CTNNA2: variants seen among roughly 807,000 people sequenced by gnomAD.
CTNNA2 encodes catenin alpha-2.
Under a neutral mutation model 101.0 loss-of-function variants are expected in CTNNA2, and 42 were observed. The observed-to-expected ratio is 0.42, with a 90% CI of 0.32 to 0.54. The LOEUF is 0.54. Ranked by LOEUF, CTNNA2 falls within the 20% of genes least tolerant of loss-of-function variation. The probability of loss-of-function intolerance (pLI) is 0.14; values close to 1 mark genes in which losing one functional copy is unlikely to be tolerated. For synonymous variants in CTNNA2, 450 were observed against 456.4 expected, an observed-to-expected ratio of 0.99 and a Z score of 0.18; for missense variants, 871 against 1,223.1, an observed-to-expected ratio of 0.71 and a Z score of 4.29.
intron 7 of CTNNA2, among the ~76,000 whole-genome samples, chr2:80,135,888 C>T (rs1243331633): frequency 6.6e-6 from 1 of 152,120 alleles, no homozygotes; most frequent in East Asian, 1.9e-4. Flanking sequence ...CTTATAACCC[C>T]AGGGGTAGGA....
chr2:79,999,102 C>A (rs1040110892), intron 7 of CTNNA2, among the ~76,000 whole-genome samples: 1 of 152,168 alleles, frequency 6.6e-6, no homozygotes, highest in Admixed American at 6.5e-5. Context: ...ACATGAAGGA[C>A]ATCTGAGCCT....
At chr2:79,768,893 C>T (rs562216511) in intron 3 of CTNNA2, among the ~76,000 whole-genome samples, 47 of 152,218 alleles carry the variant, frequency 3.1e-4, no homozygotes, top group Admixed American at 2.2e-3. Context: ...CTCACTCTGT[C>T]GCCCAGGCTG....
chr2:80,242,192 A>T (rs1227067981), intron 7 of CTNNA2, among the ~76,000 whole-genome samples: 2 of 152,176 alleles, frequency 1.3e-5, no homozygotes, highest in Admixed American at 6.6e-5. Context: ...CCTTTATTCC[A>T]GGAAAATAAT....
intron 1 of CTNNA2, among the ~76,000 whole-genome samples, chr2:79,625,325 T>A (rs527968219): frequency 6.6e-6 from 1 of 152,158 alleles, no homozygotes; most frequent in Non-Finnish European, 1.5e-5. Context: ...TGGAAGATTA[T>A]GGCTCTTAAT....
intron 1 of CTNNA2, among the ~76,000 whole-genome samples, chr2:79,599,455 G>T (rs894204656): frequency 6.6e-6 from 1 of 151,912 alleles, no homozygotes; most frequent in Non-Finnish European, 1.5e-5. Context: ...ATAATGCACA[G>T]AACTAAATTT....
intron 7 of CTNNA2, among the ~76,000 whole-genome samples, chr2:80,320,896 A>G (rs1359889878): frequency 6.6e-6 from 1 of 152,198 alleles, no homozygotes; most frequent in Non-Finnish European, 1.5e-5. Flanking sequence ...AATGAGTTTT[A>G]ATGTGTAACC....
intron 4 of CTNNA2, among the ~76,000 whole-genome samples, chr2:79,379,564 G>C (rs1156404516): frequency 6.6e-6 from 1 of 152,126 alleles, no homozygotes; most frequent in Admixed American, 6.5e-5. Flanking sequence ...CTAACTCATA[G>C]GGGGTTCTCT....
chr2:80,352,428 G>A (rs909136714), intron 7 of CTNNA2, among the ~76,000 whole-genome samples: 1 of 152,092 alleles, frequency 6.6e-6, no homozygotes, highest in Non-Finnish European at 1.5e-5. Context: ...CCGCTGGTCA[G>A]TATTCATATT....
chr2:80,599,813 G>A (rs1573414045), intron 15 of CTNNA2, among the ~76,000 whole-genome samples: 1 of 151,364 alleles, frequency 6.6e-6, no homozygotes, highest in East Asian at 1.9e-4. Context: ...TAGGGTACAC[G>A]TGCACAATGT....
At chr2:79,440,185 T>C (rs141101770) in intron 4 of CTNNA2, among the ~76,000 whole-genome samples, 1,850 of 152,274 alleles carry the variant, frequency 0.012, 40 homozygotes, top group African/African-American at 0.042. Flanking sequence ...ACAAATGATC[T>C]CTTCTTTGCA....
chr2:80,395,499 A>G (rs1386018378), intron 8 of CTNNA2, among the ~76,000 whole-genome samples: 1 of 152,130 alleles, frequency 6.6e-6, no homozygotes, highest in African/African-American at 2.4e-5. Flanking sequence ...TTGCCTCCCC[A>G]TGTACACCTG....
intron 1 of CTNNA2, among the ~76,000 whole-genome samples, chr2:79,568,279 G>A (rs1023736124): frequency 2.0e-5 from 3 of 152,120 alleles, no homozygotes; most frequent in Non-Finnish European, 4.4e-5. Flanking sequence ...GTGAAGTTTA[G>A]TCATAATTTC....
At chr2:79,681,338 C>T (rs1037415738) in intron 2 of CTNNA2, among the ~76,000 whole-genome samples, 9 of 152,330 alleles carry the variant, frequency 5.9e-5, no homozygotes, top group Middle Eastern at 6.8e-3. Flanking sequence ...TACTAGACCG[C>T]CTTCCAGTGA....
At chr2:79,760,632 G>A (rs1573899784) in intron 3 of CTNNA2, among the ~76,000 whole-genome samples, 1 of 152,152 alleles carries the variant, frequency 6.6e-6, no homozygotes, top group Non-Finnish European at 1.5e-5. Flanking sequence ...ACTTAGCTTA[G>A]TGTTTGATTA....
intron 1 of CTNNA2, among the ~76,000 whole-genome samples, chr2:79,628,187 C>T (rs1679443465): frequency 6.6e-6 from 1 of 152,114 alleles, no homozygotes; most frequent in African/African-American, 2.4e-5. Context: ...CATGGTGGCT[C>T]ACGCCTGTAA....
chr2:80,534,466 A>AT (rs1255302107), intron 9 of CTNNA2, among the ~76,000 whole-genome samples: 2 of 152,194 alleles, frequency 1.3e-5, no homozygotes, highest in African/African-American at 2.4e-5. Context: ...TCTATACAAC[A>AT]TGAAGAGAGT....
At chr2:80,498,933 T>A (rs1687666176) in intron 9 of CTNNA2, among the ~76,000 whole-genome samples, 1 of 152,162 alleles carries the variant, frequency 6.6e-6, no homozygotes, top group South Asian at 2.1e-4. Context: ...TCCCAATCAT[T>A]CAAGGCAGTC....
intron 1 of CTNNA2, among the ~76,000 whole-genome samples, chr2:79,550,919 G>T (rs2104050999): frequency 6.6e-6 from 1 of 152,210 alleles, no homozygotes; most frequent in South Asian, 2.1e-4. Flanking sequence ...GACCTTTACA[G>T]GGAATATTAA....
At chr2:79,339,733 A>G (rs955983333) in intron 3 of CTNNA2, 1 of 152,330 alleles carries the variant, frequency 6.6e-6, no homozygotes, top group Non-Finnish European at 1.5e-5. Context: ...AGGAAGAGAA[A>G]GAGTGCTGCC....
Sources: gnomAD v4.1 joint callset for allele counts (sites outside exome capture counted in the v4.1 genomes callset) on GRCh38, gnomAD v4.1.1 for gene constraint, MANE v1.5 for transcripts, NCBI Gene and HGNC (gene_info 2026-07-23, HGNC 2026-07-21) for gene names.